The following NRG3 variants were observed in gnomAD, a reference collection of about 807,000 sequenced individuals.
NRG3 encodes the protein pro-neuregulin-3, membrane-bound isoform.
NRG3 carries 31 observed loss-of-function variants against 66.9 expected under a neutral mutation model. That is an observed-to-expected ratio of 0.46 (90% CI 0.35 to 0.63). NRG3 has a LOEUF of 0.63. Among genes scored for constraint, NRG3 ranks in the 20% least tolerant of loss-of-function variants. The probability of loss-of-function intolerance (pLI) is 0.00; values close to 1 mark genes in which losing one functional copy is unlikely to be tolerated. For missense variants in NRG3, 910 were observed against 878.9 expected (o/e 1.04, Z -0.45); for synonymous variants, 393 against 359.4 (o/e 1.09, Z -1.06).
chr10:82,757,030 TG>T (rs1555026689), intron 3 of NRG3, among the ~76,000 whole-genome samples: 1 of 152,066 alleles, frequency 6.6e-6, no homozygotes, highest in Non-Finnish European at 1.5e-5. Flanking sequence ...AAAACAAAAC[TG>T]TTTTCCTCTC....
At chr10:82,650,033 T>G (rs1399471285) in intron 2 of NRG3, among the ~76,000 whole-genome samples, 1 of 152,122 alleles carries the variant, frequency 6.6e-6, no homozygotes, top group Non-Finnish European at 1.5e-5. Flanking sequence ...CTCAAGAAAT[T>G]GACCCTGTTC....
chr10:82,709,088 C>T (rs1402530309), intron 2 of NRG3, among the ~76,000 whole-genome samples: 1 of 152,144 alleles, frequency 6.6e-6, no homozygotes, highest in African/African-American at 2.4e-5. Context: ...TCTCCCTATA[C>T]CTTTAGGTTA....
intron 1 of NRG3, among the ~76,000 whole-genome samples, chr10:82,306,586 C>A (rs142824587): frequency 0.012 from 1,780 of 151,694 alleles, 15 homozygotes; most frequent in Non-Finnish European, 0.017. Flanking sequence ...CGTCTGTAGT[C>A]CCAGCTAATC....
intron 2 of NRG3, among the ~76,000 whole-genome samples, chr10:82,721,922 T>A (rs1240762163): frequency 6.6e-6 from 1 of 150,674 alleles, no homozygotes; most frequent in Non-Finnish European, 1.5e-5. Context: ...TATTGCCACC[T>A]CTTTTTGACC....
intron 3 of NRG3, among the ~76,000 whole-genome samples, chr10:82,762,110 G>A (rs1276571879): frequency 2.0e-5 from 3 of 149,182 alleles, no homozygotes; most frequent in African/African-American, 7.4e-5. Context: ...TGGGAGTGCA[G>A]TGGTGCAATC....
At chr10:82,197,523 G>A (rs2074511851) in intron 1 of NRG3, among the ~76,000 whole-genome samples, 1 of 152,116 alleles carries the variant, frequency 6.6e-6, no homozygotes, top group Admixed American at 6.5e-5. Context: ...CAATGTGTTT[G>A]TATTATGCTA....
Position 82,458,517 on chromosome 10 carries a change from C to T in NRG3, c.953+99649C>T, listed in dbSNP as rs966598451. Among the ~76,000 whole-genome samples the T allele has an allele frequency of 7.9e-5, 12 of 151,996 alleles. No homozygotes were observed. In the East Asian group the frequency reaches 9.7e-4, roughly 12 times the overall value. On this transcript the variant is annotated intron_variant, in intron 2 of 8. Coordinates refer to ENST00000372141, the MANE Select transcript of NRG3 (RefSeq NM_001010848.4). ...ACAAAAAGAAAAGTCATTAAGGGGC[C>T]GGCTTCTGGAAGAGAGATGTCACTG...
At chr10:82,832,489 C>A (rs2062575493) in intron 3 of NRG3, among the ~76,000 whole-genome samples, 1 of 152,044 alleles carries the variant, frequency 6.6e-6, no homozygotes, top group Admixed American at 6.6e-5. Context: ...ACAGGCAATA[C>A]AAAGCAATAA....
intron 2 of NRG3, among the ~76,000 whole-genome samples, chr10:82,457,855 C>G (rs1378960936): frequency 6.6e-6 from 1 of 152,150 alleles, no homozygotes; most frequent in African/African-American, 2.4e-5. Context: ...TAAACTCAAC[C>G]CCTCTGTTCT....
intron 1 of NRG3, among the ~76,000 whole-genome samples, chr10:81,903,273 G>C (rs1028913261): frequency 6.6e-6 from 1 of 152,070 alleles, no homozygotes; most frequent in African/African-American, 2.4e-5. Flanking sequence ...CCTGACCCGC[G>C]GGTACACAGC....
intron 4 of NRG3, among the ~76,000 whole-genome samples, chr10:82,948,265 G>A (rs959631915): frequency 6.6e-6 from 1 of 151,928 alleles, no homozygotes; most frequent in African/African-American, 2.4e-5. Context: ...TTTATCTGTT[G>A]CAATTATTTA....
intron 1 of NRG3, among the ~76,000 whole-genome samples, chr10:82,123,910 CA>C (rs2068255892): frequency 6.6e-6 from 1 of 151,894 alleles, no homozygotes; most frequent in Non-Finnish European, 1.5e-5. Flanking sequence ...CTTGCATTGA[CA>C]GGGGAAACCA....
chr10:82,856,214 T>G (rs575366704), intron 3 of NRG3, among the ~76,000 whole-genome samples: 1 of 152,114 alleles, frequency 6.6e-6, no homozygotes, highest in East Asian at 1.9e-4. Context: ...TTTTTACTCA[T>G]GCAATAAATA....
intron 4 of NRG3, 140 bp downstream of exon 4, chr10:82,865,577 A>T: frequency 1.3e-6 from 1 of 756,158 alleles, no homozygotes; most frequent in East Asian, 2.8e-5. Context: ...ACTCTTGTCG[A>T]GTTTTCACTA....
At chr10:82,764,537 A>G (rs564681805) in intron 3 of NRG3, among the ~76,000 whole-genome samples, 1 of 151,636 alleles carries the variant, frequency 6.6e-6, no homozygotes, top group African/African-American at 2.4e-5. Flanking sequence ...TAATTTTTGT[A>G]TTTTTGGTAA....
chr10:82,072,181 T>G lies in NRG3; in HGVS notation c.823+196018T>G, dbSNP rs139806056. ...ATATAAAACTGCACAGTACTTACTT[T>G]TCTCACCTAAAAATGTATGATTATA... On this transcript the variant is annotated intron_variant, in intron 1 of 8. Transcript: ENST00000372141. Among the ~76,000 whole-genome samples, 12 of 152,354 alleles carry G rather than the reference T, an allele frequency of 7.9e-5. No individual in the cohort carries two copies. In the East Asian group the frequency reaches 1.2e-3, roughly 15 times the overall value.
intron 4 of NRG3, among the ~76,000 whole-genome samples, chr10:82,939,563 G>A (rs532579493): frequency 6.6e-6 from 1 of 151,666 alleles, no homozygotes; most frequent in African/African-American, 2.4e-5. Flanking sequence ...TCCGCCTCCC[G>A]GGTTCACGCC....
At chr10:82,055,663 T>C (rs1216653503) in intron 1 of NRG3, among the ~76,000 whole-genome samples, 3 of 152,018 alleles carry the variant, frequency 2.0e-5, no homozygotes, top group African/African-American at 4.8e-5. Context: ...AGGGTGATAA[T>C]TAGAATAGGA....
chr10:82,108,936 C>A (rs1157910032), intron 1 of NRG3, among the ~76,000 whole-genome samples: 1 of 152,112 alleles, frequency 6.6e-6, no homozygotes, highest in Non-Finnish European at 1.5e-5. Context: ...AACATAAATT[C>A]ACTCTTTTAA....
Sources: allele counts gnomAD v4.1 joint callset (sites outside exome capture counted in the v4.1 genomes callset), GRCh38; gene constraint gnomAD v4.1.1; transcripts MANE v1.5; gene names NCBI Gene and HGNC (gene_info 2026-07-23, HGNC 2026-07-21).